The following DNAH14 variants were observed in gnomAD, a reference collection of about 807,000 sequenced individuals.
DNAH14 encodes the protein dynein axonemal heavy chain 14.
DNAH14 carries 478 observed loss-of-function variants against 520.9 expected under a neutral mutation model. That is an observed-to-expected ratio of 0.92 (90% CI 0.85 to 0.99). The LOEUF (loss-of-function observed/expected upper bound fraction) is 0.99. DNAH14 is among the 50% of genes least tolerant of loss of function. The pLI is 0.00. For synonymous variants in DNAH14, 1,581 were observed against 1,757.2 expected, an observed-to-expected ratio of 0.90 and a Z score of 2.51; for missense variants, 4,831 against 5,234.5, an observed-to-expected ratio of 0.92 and a Z score of 2.38.
chr1:225,252,211 A>T, intron 43 of DNAH14, 90 bp from the exon 44 acceptor site: 2 of 763,916 alleles, frequency 2.6e-6, no homozygotes, highest in South Asian at 3.1e-5. Flanking sequence ...TTGTTCAACA[A>T]TCAGATCTTT....
At chr1:224,967,897 A>G (rs1211493331) in intron 6 of DNAH14, 1 of 1,247,840 alleles carries the variant, frequency 8.0e-7, no homozygotes, top group Non-Finnish European at 1.0e-6. Flanking sequence ...AACTATAATA[A>G]TAAAGAAAAG....
At chr1:225,378,037 G>T (rs2095725249) in intron 79 of DNAH14, among the ~76,000 whole-genome samples, 2 of 151,782 alleles carry the variant, frequency 1.3e-5, no homozygotes, top group Non-Finnish European at 2.9e-5. Flanking sequence ...TCATAAATCA[G>T]TTTCTCAATT....
At chr1:225,145,531 T>C (rs16844352) in intron 30 of DNAH14, among the ~76,000 whole-genome samples, 152 bp downstream of exon 30, 1,578 of 152,324 alleles carry the variant, frequency 0.01, 31 homozygotes, top group African/African-American at 0.036. Flanking sequence ...TTTAAACTAA[T>C]GGACTAGAAA....
intron 17 of DNAH14, among the ~76,000 whole-genome samples, chr1:225,074,617 T>A (rs1290108066): frequency 6.6e-6 from 1 of 151,920 alleles, no homozygotes; most frequent in Non-Finnish European, 1.5e-5. Flanking sequence ...ACCAGCGGGG[T>A]GGCTGGAGGC....
chr1:225,267,810 T>C (rs751243795), intron 49 of DNAH14, among the ~76,000 whole-genome samples: 1 of 151,658 alleles, frequency 6.6e-6, no homozygotes, highest in Non-Finnish European at 1.5e-5. Context: ...CAAACTGGCA[T>C]GTGAGCGCTA....
intron 43 of DNAH14, among the ~76,000 whole-genome samples, chr1:225,251,771 AC>A (rs763072374): frequency 2.6e-5 from 4 of 152,144 alleles, no homozygotes. Context: ...ATTTGCACAC[AC>A]ACTTTTCCAA....
intron 54 of DNAH14, among the ~76,000 whole-genome samples, chr1:225,282,858 G>A (rs1360684545): frequency 2.0e-5 from 3 of 152,072 alleles, no homozygotes; most frequent in African/African-American, 7.2e-5. Context: ...TCATCCATTC[G>A]TGTGCTTTGC....
chr1:225,295,533 A>C (rs927870085), intron 55 of DNAH14, among the ~76,000 whole-genome samples: 6 of 152,150 alleles, frequency 3.9e-5, no homozygotes, highest in African/African-American at 1.4e-4. Flanking sequence ...ATACTGTTTA[A>C]TGTCCATGAA....
chr1:225,255,451 C>A (rs992927194), intron 44 of DNAH14, among the ~76,000 whole-genome samples: 1 of 152,104 alleles, frequency 6.6e-6, no homozygotes, highest in African/African-American at 2.4e-5. Context: ...TTAATCTGGG[C>A]TAATGAAGAG....
At chr1:225,331,350 C>T (rs1574822569) in intron 64 of DNAH14, 87 bp from the exon 65 acceptor site, 1 of 1,311,614 alleles carries the variant, frequency 7.6e-7, no homozygotes, top group Non-Finnish European at 1.0e-6. Context: ...GAAATGGTAA[C>T]ACTATATTTA....
chr1:225,145,457 C>G, intron 30 of DNAH14, 78 bp downstream of exon 30: 1 of 1,172,096 alleles, frequency 8.5e-7, no homozygotes, highest in South Asian at 1.8e-5. Flanking sequence ...AATAAAAGAA[C>G]AAGAAAAATA....
At chr1:225,246,904 C>G (rs1055913070) in intron 43 of DNAH14, among the ~76,000 whole-genome samples, 2 of 152,162 alleles carry the variant, frequency 1.3e-5, no homozygotes, top group African/African-American at 4.8e-5. Flanking sequence ...TATAATCATT[C>G]TACTATAAAG....
intron 19 of DNAH14, 108 bp downstream of exon 19, chr1:225,080,856 C>T: frequency 8.5e-7 from 1 of 1,183,016 alleles, no homozygotes; most frequent in Non-Finnish European, 1.2e-6. Flanking sequence ...CTCAGGTTGA[C>T]CATTATGGCT....
chr1:225,164,119 G>A (rs1016855619), intron 35 of DNAH14, among the ~76,000 whole-genome samples: 1 of 152,072 alleles, frequency 6.6e-6, no homozygotes, highest in African/African-American at 2.4e-5. Flanking sequence ...TCTGCAGGAG[G>A]TATGTTAAGA....
chr1:225,138,644 A>G lies in DNAH14; in HGVS notation c.4255-2124A>G, dbSNP rs1380614799. ...ACAGCCCTGGTGGCATGGGCTTACA[A>G]GGGGATCTCCTGCTCCACAGGTTGC... On this transcript the variant is annotated intron_variant, in intron 27 of 85. Coordinates refer to ENST00000682510, the MANE Select transcript of DNAH14 (RefSeq NM_001367479.1). 4.6e-5 allele frequency among the ~76,000 whole-genome samples: 7 copies of G among 152,262 alleles called. No individual in the cohort carries two copies. The South Asian group carries it at 8.3e-4, about 18-fold the overall frequency.
rs2063881669 is a variant in DNAH14 at position 225,003,034 on chromosome 1, A to G, written c.975+107A>G. 7 of 1,000,844 alleles carry G rather than the reference A, an allele frequency of 7.0e-6. No homozygotes were observed. In the South Asian group the frequency reaches 1.3e-4, roughly 19 times the overall value. 62.0% of individuals were successfully genotyped at this position (1,000,844 alleles called of 1,614,324 possible). On this transcript the variant is annotated intron_variant, in intron 9 of 85. Transcript: ENST00000682510. ...AGATTTCTAAATTCATAAATAAACC[A>G]TCTCTTTCGATTACTACCGTTCTAA...
intron 46 of DNAH14, 26 bp downstream of exon 46, chr1:225,259,279 G>T: frequency 7.5e-7 from 1 of 1,334,158 alleles, no homozygotes; most frequent in South Asian, 1.9e-5. Context: ...TTCTAAATTT[G>T]ATTTGTCTGA....
At chr1:225,181,700 G>C (rs2084024220) in intron 36 of DNAH14, among the ~76,000 whole-genome samples, 1 of 152,036 alleles carries the variant, frequency 6.6e-6, no homozygotes, top group South Asian at 2.1e-4. Flanking sequence ...TTGTTTGCTT[G>C]TTGAATTCTT....
intron 77 of DNAH14, among the ~76,000 whole-genome samples, chr1:225,369,660 T>G (rs973223656): frequency 5.9e-5 from 9 of 152,082 alleles, no homozygotes; most frequent in African/African-American, 2.2e-4. Flanking sequence ...GATTAACAGA[T>G]AGATCGAGAG....
Sources: gnomAD v4.1 joint callset for allele counts (sites outside exome capture counted in the v4.1 genomes callset) on GRCh38, gnomAD v4.1.1 for gene constraint, MANE v1.5 for transcripts, NCBI Gene and HGNC (gene_info 2026-07-23, HGNC 2026-07-21) for gene names.